ERC2: variants seen among roughly 807,000 people sequenced by gnomAD.
ERC2 encodes the protein ELKS/RAB6-interacting/CAST family member 2.
A neutral mutation model predicts 114.8 loss-of-function variants in ERC2; 42 were observed. That is an observed-to-expected ratio of 0.37 (90% CI 0.29 to 0.47). The LOEUF (loss-of-function observed/expected upper bound fraction) is 0.47. ERC2 is among the 20% of genes least tolerant of loss of function. The pLI, the probability that ERC2 is intolerant of heterozygous loss-of-function variation, is 0.99. For synonymous variants in ERC2, 454 were observed against 425.5 expected (o/e 1.07, Z -0.82); for missense variants, 939 against 1,150.7 (o/e 0.82, Z 2.66).
intron 2 of ERC2, among the ~76,000 whole-genome samples, chr3:56,333,582 G>A (rs2057724735): frequency 6.6e-6 from 1 of 152,134 alleles, no homozygotes; most frequent in East Asian, 1.9e-4. Flanking sequence ...CTATGTCTAT[G>A]TAAAAGATCA....
Position 56,148,969 on chromosome 3 carries a change from G to C in ERC2, c.1305+8C>G, listed in dbSNP as rs760727269. 6.8e-6 allele frequency: 11 copies of C among 1,612,466 alleles called. No homozygotes were observed. In the East Asian group the frequency reaches 2.2e-4, roughly 33 times the overall value. On this transcript the variant is annotated splice_region_variant and intron_variant, in intron 5 of 17. Coordinates refer to ENST00000288221, the MANE Select transcript of ERC2 (RefSeq NM_015576.3). ...AAGAACATAAAAGTTTATAACCCTGGACCGTACCTTGGTCTTCATAAACTT... is the reference window on the plus strand; with the variant it reads ...AAGAACATAAAAGTTTATAACCCTGCACCGTACCTTGGTCTTCATAAACTT...
intron 13 of ERC2, among the ~76,000 whole-genome samples, chr3:55,899,202 A>G (rs1003615396): frequency 1.3e-5 from 2 of 152,194 alleles, no homozygotes; most frequent in Non-Finnish European, 2.9e-5. Flanking sequence ...TTTTTTGGTC[A>G]CGGGAAACAA....
intron 17 of ERC2, among the ~76,000 whole-genome samples, chr3:55,644,236 A>T (rs1204053310): frequency 6.6e-6 from 1 of 152,218 alleles, no homozygotes; most frequent in East Asian, 1.9e-4. Context: ...TCTTCAACTT[A>T]AAAAGAAAAC....
intron 3 of ERC2, among the ~76,000 whole-genome samples, chr3:56,250,606 A>G (rs2052078801): frequency 6.6e-6 from 1 of 152,026 alleles, no homozygotes; most frequent in Non-Finnish European, 1.5e-5. Context: ...CACCCACTCC[A>G]CATACGCACA....
chr3:55,582,923 A>T (rs1326673049), intron 17 of ERC2, among the ~76,000 whole-genome samples: 1 of 152,248 alleles, frequency 6.6e-6, no homozygotes, highest in Non-Finnish European at 1.5e-5. Flanking sequence ...TAATGACACA[A>T]TTCTTGCCAG....
At chr3:56,298,691 T>C (rs1348050757) in intron 2 of ERC2, among the ~76,000 whole-genome samples, 2 of 140,874 alleles carry the variant, frequency 1.4e-5, no homozygotes, top group African/African-American at 5.2e-5. Context: ...AAATTAGTGA[T>C]TGCTGGGGGG....
rs141483993 is a variant in ERC2 at position 56,267,434 on chromosome 3, G to T, written c.1074+28585C>A. 4.4e-3 allele frequency among the ~76,000 whole-genome samples: 674 copies of T among 152,198 alleles called. 4 individuals are homozygous for T. The highest frequency in any genetic ancestry group is 0.015 in the African/African-American group (639 of 41,530). On this transcript the variant is annotated intron_variant, in intron 3 of 17. Coordinates refer to ENST00000288221, the MANE Select transcript of ERC2 (RefSeq NM_015576.3). ...TAAAAATCAAATACAATAGAAACAG[G>T]ATAGAAGAATGGTTATGGCAGGAAG...
At chr3:55,512,177 A>C (rs966309823) in intron 17 of ERC2, among the ~76,000 whole-genome samples, 2 of 152,248 alleles carry the variant, frequency 1.3e-5, no homozygotes, top group Non-Finnish European at 2.9e-5. Context: ...ACGCCGACTA[A>C]CAAGAATGCC....
chr3:56,425,727 G>C (rs113250675), intron 2 of ERC2, among the ~76,000 whole-genome samples: 232 of 152,180 alleles, frequency 1.5e-3, no homozygotes, highest in African/African-American at 4.9e-3. Flanking sequence ...TTGTTGGGGT[G>C]GGGGGAGGTT....
chr3:56,451,842 A>C (rs2062840850), intron 1 of ERC2, among the ~76,000 whole-genome samples: 1 of 152,210 alleles, frequency 6.6e-6, no homozygotes, highest in African/African-American at 2.4e-5. Flanking sequence ...CAGCCTCTTT[A>C]CTCAGGTTCA....
At chr3:56,147,747 A>T (rs775538546) in intron 5 of ERC2, among the ~76,000 whole-genome samples, 3 of 152,298 alleles carry the variant, frequency 2.0e-5, no homozygotes, top group Non-Finnish European at 4.4e-5. Context: ...AAGAAAACAA[A>T]TTTTTTTAAT....
chr3:55,571,191 A>G (rs1027921466), intron 17 of ERC2, among the ~76,000 whole-genome samples: 19 of 151,152 alleles, frequency 1.3e-4, no homozygotes, highest in African/African-American at 4.4e-4. Context: ...AGAAAACTCT[A>G]TGATGACAAG....
chr3:56,015,355 C>G (rs1037585787), intron 8 of ERC2, among the ~76,000 whole-genome samples: 4 of 151,284 alleles, frequency 2.6e-5, no homozygotes, highest in Non-Finnish European at 5.9e-5. Flanking sequence ...TCCTAATGCT[C>G]TCCCTCCCCC....
chr3:56,306,795 A>G (rs570442921), intron 2 of ERC2, among the ~76,000 whole-genome samples: 9 of 152,292 alleles, frequency 5.9e-5, no homozygotes, highest in African/African-American at 2.2e-4. Flanking sequence ...CCTGGTTCCA[A>G]TCCCAGCCCT....
chr3:55,533,666 T>G (rs563234060), intron 17 of ERC2, among the ~76,000 whole-genome samples: 1 of 152,092 alleles, frequency 6.6e-6, no homozygotes, highest in Admixed American at 6.5e-5. Context: ...CTGGGGCTGG[T>G]GTGGAGAGAT....
chr3:56,431,195 G>A lies in ERC2; in HGVS notation c.657+3156C>T, dbSNP rs180993216. 2.6e-3 allele frequency among the ~76,000 whole-genome samples: 403 copies of A among 152,306 alleles called. 6 individuals are homozygous for A. Among genetic ancestry groups the A allele is most frequent in the Admixed American group, 0.024 (372 of 15,302 alleles). On this transcript the variant is annotated intron_variant, in intron 2 of 17. Coordinates refer to ENST00000288221, the MANE Select transcript of ERC2 (RefSeq NM_015576.3). ...TACTGGTAGCACTAGCAGTATAATA[G>A]AAACAACAGCAATAGCAGAAGATTG...
chr3:56,050,245 T>A (rs1250512953), intron 7 of ERC2, among the ~76,000 whole-genome samples: 1 of 152,158 alleles, frequency 6.6e-6, no homozygotes, highest in African/African-American at 2.4e-5. Context: ...CATGCTTATA[T>A]TAATAGGTTT....
At chr3:55,625,791 T>C (rs1008323701) in intron 17 of ERC2, among the ~76,000 whole-genome samples, 1 of 152,138 alleles carries the variant, frequency 6.6e-6, no homozygotes, top group Admixed American at 6.5e-5. Flanking sequence ...AGATGACACA[T>C]TGTACCAGTG....
chr3:55,728,065 T>A (rs754110284), intron 15 of ERC2, among the ~76,000 whole-genome samples: 1 of 152,172 alleles, frequency 6.6e-6, no homozygotes, highest in Non-Finnish European at 1.5e-5. Flanking sequence ...AGGATCATGA[T>A]TGATCAATGA....
Sources: gnomAD v4.1 joint callset for allele counts (sites outside exome capture counted in the v4.1 genomes callset) on GRCh38, gnomAD v4.1.1 for gene constraint, MANE v1.5 for transcripts, NCBI Gene and HGNC (gene_info 2026-07-23, HGNC 2026-07-21) for gene names.